EPSTI1: variants seen among roughly 807,000 people sequenced by gnomAD.
The protein encoded by EPSTI1 is epithelial-stromal interaction protein 1.
In EPSTI1, 66 loss-of-function variants were observed where a neutral mutation model predicts 49.9. The observed-to-expected ratio is 1.32, with a 90% CI of 1.08 to 1.62. EPSTI1 has a LOEUF of 1.62. Among genes scored for constraint, EPSTI1 ranks in the 40% most tolerant of loss-of-function variants. The pLI is 0.00. For synonymous variants in EPSTI1, 137 were observed against 130.7 expected (o/e 1.05, Z -0.33); for missense variants, 394 against 365.5 (o/e 1.08, Z -0.64).
intron 6 of EPSTI1, among the ~76,000 whole-genome samples, chr13:42,951,583 G>A (rs1425698827): frequency 6.6e-6 from 1 of 152,102 alleles, no homozygotes; most frequent in Non-Finnish European, 1.5e-5. Flanking sequence ...TTTCTTTATA[G>A]AAAAAGGGTG....
chr13:42,924,321 G>A (rs996919901), intron 7 of EPSTI1, among the ~76,000 whole-genome samples: 3 of 152,192 alleles, frequency 2.0e-5, no homozygotes, highest in African/African-American at 7.2e-5. Flanking sequence ...TCTATTAATA[G>A]CTCTGAGGAT....
intron 6 of EPSTI1, among the ~76,000 whole-genome samples, chr13:42,952,718 T>C (rs1220208345): frequency 6.6e-6 from 1 of 152,204 alleles, no homozygotes. Context: ...ACCAACACTT[T>C]CATCCTACCC....
intron 7 of EPSTI1, among the ~76,000 whole-genome samples, chr13:42,921,504 A>G (rs1302031092): frequency 6.6e-6 from 1 of 152,208 alleles, no homozygotes; most frequent in African/African-American, 2.4e-5. Flanking sequence ...GCTCCACCAA[A>G]ACAAAGAAAT....
At position 42,992,087 on chromosome 13, in the gene EPSTI1, G is replaced by T. The variant is rs959664265; in HGVS notation, c.79C>A (p.Pro27Thr). Residue 27 changes from proline (P) to threonine (T), a missense_variant, in exon 1 of 11, where the codon CCT becomes ACT. Coordinates refer to ENST00000313624, the MANE Select transcript of EPSTI1 (RefSeq NM_033255.5). Reference protein sequence around the residue: ...ASRPTRDPQDPSGRQGELSPV... With the variant: ...ASRPTRDPQDTSGRQGELSPV... Reference sequence around the variant, plus strand: ...CTCAGCTCCCCTTGCCGCCCAGAAGGGTCCTGGGGATCCCGGGTCGGGCGG... The same window carrying T: ...CTCAGCTCCCCTTGCCGCCCAGAAGTGTCCTGGGGATCCCGGGTCGGGCGG... 6 of 1,612,708 alleles carry T rather than the reference G, an allele frequency of 3.7e-6. No homozygotes were observed. In the African/African-American group the frequency reaches 8.0e-5, roughly 22 times the overall value.
intron 1 of EPSTI1, among the ~76,000 whole-genome samples, chr13:42,984,243 A>G (rs751407890): frequency 6.6e-6 from 1 of 152,234 alleles, no homozygotes; most frequent in Non-Finnish European, 1.5e-5. Context: ...GAACTCCAGC[A>G]TTACCCAATT....
chr13:42,896,420 T>C (rs916268823), intron 9 of EPSTI1, among the ~76,000 whole-genome samples: 3 of 152,164 alleles, frequency 2.0e-5, no homozygotes, highest in Non-Finnish European at 4.4e-5. Flanking sequence ...ACTGCCTGCA[T>C]GCCTGGAGCT....
At chr13:42,933,111 C>G (rs1340678436) in intron 6 of EPSTI1, among the ~76,000 whole-genome samples, 3 of 152,084 alleles carry the variant, frequency 2.0e-5, no homozygotes, top group Admixed American at 6.5e-5. Context: ...AAAAGGAGCA[C>G]TGGAGGGAAA....
intron 1 of EPSTI1, among the ~76,000 whole-genome samples, chr13:42,990,609 G>A (rs976017478): frequency 1.3e-5 from 2 of 152,224 alleles, no homozygotes; most frequent in East Asian, 1.9e-4. Context: ...CTACTGTGGC[G>A]AGACACTAAT....
chr13:42,945,566 T>C (rs2038895283), intron 6 of EPSTI1, among the ~76,000 whole-genome samples: 1 of 152,186 alleles, frequency 6.6e-6, no homozygotes, highest in Non-Finnish European at 1.5e-5. Flanking sequence ...GTTTGACCAG[T>C]AGAGTGACAT....
chr13:42,895,457 C>T (rs1460910826), intron 9 of EPSTI1, among the ~76,000 whole-genome samples: 1 of 152,158 alleles, frequency 6.6e-6, no homozygotes, highest in African/African-American at 2.4e-5. Flanking sequence ...GAGAAAGAAG[C>T]CTCAGCATGA....
At chr13:42,983,089 T>A (rs961523858) in intron 1 of EPSTI1, among the ~76,000 whole-genome samples, 1 of 152,236 alleles carries the variant, frequency 6.6e-6, no homozygotes, top group Non-Finnish European at 1.5e-5. Flanking sequence ...AAACTTATGT[T>A]AAATGAATGG....
At chr13:42,897,578 A>C (rs1331973643) in intron 9 of EPSTI1, among the ~76,000 whole-genome samples, 1 of 152,244 alleles carries the variant, frequency 6.6e-6, no homozygotes, top group Non-Finnish European at 1.5e-5. Flanking sequence ...TGCAGACTGC[A>C]AAACAGCTCA....
At chr13:42,935,078 G>T (rs1320630547) in intron 6 of EPSTI1, among the ~76,000 whole-genome samples, 1 of 152,150 alleles carries the variant, frequency 6.6e-6, no homozygotes, top group Admixed American at 6.5e-5. Flanking sequence ...CACTGCCAGG[G>T]CCATACCCTG....
At chr13:42,942,914 T>C (rs1263025540) in intron 6 of EPSTI1, among the ~76,000 whole-genome samples, 2 of 151,828 alleles carry the variant, frequency 1.3e-5, no homozygotes, top group African/African-American at 4.8e-5. Flanking sequence ...GGTCTCGATC[T>C]CCTGACCTCA....
chr13:42,939,256 C>T (rs2038672454), intron 6 of EPSTI1, among the ~76,000 whole-genome samples: 1 of 152,288 alleles, frequency 6.6e-6, no homozygotes, highest in East Asian at 1.9e-4. Context: ...GCTATTTTGC[C>T]TTCGTATCAT....
intron 6 of EPSTI1, among the ~76,000 whole-genome samples, chr13:42,929,688 AG>A (rs2153422515): frequency 6.6e-6 from 1 of 152,354 alleles, no homozygotes; most frequent in South Asian, 2.1e-4. Context: ...ATGAGGGTGG[AG>A]GGACAGCTAG....
intron 8 of EPSTI1, among the ~76,000 whole-genome samples, chr13:42,913,710 T>A (rs1030538311): frequency 6.6e-6 from 1 of 152,220 alleles, no homozygotes; most frequent in Admixed American, 6.5e-5. Flanking sequence ...AAGCAGGCAA[T>A]CAAAAATATT....
At chr13:42,911,267 GCGCGCACGCGCGCACA>G (rs1168411801) in intron 8 of EPSTI1, among the ~76,000 whole-genome samples, 2 of 137,912 alleles carry the variant, frequency 1.5e-5, no homozygotes, top group Non-Finnish European at 3.2e-5. Context: ...GTGTGTGTGC[GCGCGCACGCGCGCACA>G]CGTGTGTGAG....
At chr13:42,951,933 T>A (rs2039109606) in intron 6 of EPSTI1, among the ~76,000 whole-genome samples, 1 of 152,208 alleles carries the variant, frequency 6.6e-6, no homozygotes, top group African/African-American at 2.4e-5. Context: ...TTTTCTGTCT[T>A]ACAAGAGGAT....
Sources: allele counts gnomAD v4.1 joint callset (sites outside exome capture counted in the v4.1 genomes callset), GRCh38; gene constraint gnomAD v4.1.1; transcripts MANE v1.5; gene names NCBI Gene and HGNC (gene_info 2026-07-23, HGNC 2026-07-21).